The following CACNB2 variants were observed in gnomAD, a reference collection of about 807,000 sequenced individuals.
CACNB2 encodes the protein voltage-dependent L-type calcium channel subunit beta-2.
In CACNB2, 42 loss-of-function variants were observed where a neutral mutation model predicts 73.3. The ratio of observed to expected loss-of-function variants is 0.57; its 90% confidence interval spans 0.45 to 0.74. CACNB2 has a LOEUF of 0.74. CACNB2 is among the 30% of genes least tolerant of loss of function. CACNB2 has a pLI of 0.00. For missense variants in CACNB2, 940 were observed against 853.0 expected, an observed-to-expected ratio of 1.10 and a Z score of -1.27; for synonymous variants, 348 against 310.3, an observed-to-expected ratio of 1.12 and a Z score of -1.28.
In CACNB2 at chr10:18,537,125, C is replaced by G. The variant is rs888267510; in HGVS notation, c.1302+929C>G. On this transcript the variant is annotated intron_variant, in intron 12 of 13. Transcript: ENST00000324631. The stretch of plus-strand genomic sequence containing the variant: ...ACCTCGGCCCTCCAAGTAGCTAGGA[C>G]TACAGGCAAACGCCACCATGCCCTG... Among the ~76,000 whole-genome samples, 4 of 152,146 alleles carry G rather than the reference C, an allele frequency of 2.6e-5. No homozygotes were observed. The Middle Eastern group carries it at 0.014, about 518-fold the overall frequency.
At chr10:18,489,169 G>A (rs1440386045) in intron 3 of CACNB2, among the ~76,000 whole-genome samples, 1 of 151,772 alleles carries the variant, frequency 6.6e-6, no homozygotes, top group Non-Finnish European at 1.5e-5. Context: ...AAAAATTAGT[G>A]AGCCGCGCCA....
chr10:18,295,211 C>A (rs540579191), intron 2 of CACNB2, among the ~76,000 whole-genome samples: 2 of 152,130 alleles, frequency 1.3e-5, no homozygotes, highest in African/African-American at 2.4e-5. Flanking sequence ...ACAATGCATA[C>A]TTTTTGTTAG....
chr10:18,217,611 G>T (rs1428678665), intron 2 of CACNB2, among the ~76,000 whole-genome samples: 1 of 151,914 alleles, frequency 6.6e-6, no homozygotes, highest in Non-Finnish European at 1.5e-5. Context: ...TCCATCTTAA[G>T]CAGGGAGGTC....
At chr10:18,451,437 T>C (rs182429740) in intron 3 of CACNB2, among the ~76,000 whole-genome samples, 1 of 152,310 alleles carries the variant, frequency 6.6e-6, no homozygotes, top group East Asian at 1.9e-4. Context: ...ATAGAGAGTT[T>C]CTGTCATGAA....
At chr10:18,335,665 A>G (rs1038202727) in intron 2 of CACNB2, among the ~76,000 whole-genome samples, 1 of 152,052 alleles carries the variant, frequency 6.6e-6, no homozygotes, top group African/African-American at 2.4e-5. Flanking sequence ...TTTCAATCTT[A>G]GGTCTGTTTC....
intron 2 of CACNB2, among the ~76,000 whole-genome samples, chr10:18,156,465 C>T (rs2032050268): frequency 6.6e-6 from 1 of 152,162 alleles, no homozygotes; most frequent in Non-Finnish European, 1.5e-5. Context: ...TAATTTTCCC[C>T]CGGAAACTGG....
In CACNB2 at chr10:18,539,946, C is replaced by CTCCGGTTG. The variant is rs1483548695; in HGVS notation, c.*223_*230dup. On this transcript the variant is annotated 3_prime_UTR_variant, in exon 14 of 14. Transcript: ENST00000324631. ...AAATTGGCCTGGTATGGCTGCAGTC[C>CTCCGGTTG]TCCGGTTGCATACTGGACTCTTCAA... The CTCCGGTTG allele has an allele frequency of 2.1e-5, 11 of 530,706 alleles. No homozygotes were observed. Among genetic ancestry groups the CTCCGGTTG allele is most frequent in the Non-Finnish European group, 3.3e-5 (10 of 303,662 alleles). The allele number at this position is 530,706 out of a possible 1,614,324, so 32.9% of individuals were successfully genotyped here. A position where few individuals can be genotyped will look rare whatever the true frequency, so the allele number is the denominator to read the frequency against.
chr10:18,417,431 C>A (rs971640084), intron 3 of CACNB2, among the ~76,000 whole-genome samples: 2 of 136,758 alleles, frequency 1.5e-5, no homozygotes, highest in Admixed American at 8.2e-5. Flanking sequence ...TGCAGTGGCG[C>A]GATCTCGGCT....
chr10:18,226,041 T>C (rs2035980315), intron 2 of CACNB2, among the ~76,000 whole-genome samples: 1 of 147,818 alleles, frequency 6.8e-6, no homozygotes, highest in Non-Finnish European at 1.5e-5. Context: ...TTTTTTTTTT[T>C]CTTGAGACAG....
rs59713597 is a variant in CACNB2, at chr10:18,258,466, G to C, written c.213+107491G>C. Among the ~76,000 whole-genome samples, 163 of 152,102 alleles carry C rather than the reference G, an allele frequency of 1.1e-3. 2 individuals carry two copies. The highest frequency in any genetic ancestry group is 1.2e-4 in the Non-Finnish European group (8 of 68,006). ...CTTGAGGCCGGGCACGGTGGCTCAC[G>C]CCTGTAATCCCAGCACTTTGGGAGG... On this transcript the variant is annotated intron_variant, in intron 2 of 13. Coordinates refer to ENST00000324631, the MANE Select transcript of CACNB2 (RefSeq NM_201596.3).
At chr10:18,380,690 G>A (rs912345077) in intron 2 of CACNB2, among the ~76,000 whole-genome samples, 2 of 151,688 alleles carry the variant, frequency 1.3e-5, no homozygotes, top group Non-Finnish European at 2.9e-5. Flanking sequence ...CCTGAGCTCA[G>A]GTGATCTGCC....
intron 2 of CACNB2, among the ~76,000 whole-genome samples, chr10:18,191,787 G>T (rs1224646022): frequency 1.2e-4 from 18 of 152,156 alleles, no homozygotes; most frequent in Non-Finnish European, 2.6e-4. Context: ...TTTTATGGCT[G>T]AGTAGTATTC....
At chr10:18,167,459 T>C (rs1564310947) in intron 2 of CACNB2, among the ~76,000 whole-genome samples, 1 of 151,850 alleles carries the variant, frequency 6.6e-6, no homozygotes, top group Non-Finnish European at 1.5e-5. Context: ...TAAAATAAGA[T>C]AAAAAACAAT....
intron 3 of CACNB2, among the ~76,000 whole-genome samples, chr10:18,429,949 A>C (rs192525375): frequency 7.2e-5 from 11 of 152,274 alleles, no homozygotes; most frequent in African/African-American, 2.6e-4. Flanking sequence ...ACTGCACTCT[A>C]CTGTGGGTGA....
intron 2 of CACNB2, among the ~76,000 whole-genome samples, chr10:18,328,121 C>T (rs559397349): frequency 3.5e-4 from 53 of 152,252 alleles, no homozygotes; most frequent in African/African-American, 1.2e-3. Flanking sequence ...TGCTGGGTTT[C>T]GTGGTAGAAA....
intron 1 of CACNB2, among the ~76,000 whole-genome samples, chr10:18,143,027 A>G (rs950113761): frequency 7.2e-5 from 11 of 152,258 alleles, no homozygotes; most frequent in African/African-American, 2.7e-4. Context: ...CATGAAACAG[A>G]GTCCCAGAAG....
At chr10:18,202,169 T>A (rs1174881450) in intron 2 of CACNB2, among the ~76,000 whole-genome samples, 1 of 152,176 alleles carries the variant, frequency 6.6e-6, no homozygotes, top group African/African-American at 2.4e-5. Flanking sequence ...GTGAAGGAAG[T>A]CAGTGAAAAA....
At chr10:18,226,322 C>G (rs2035992239) in intron 2 of CACNB2, among the ~76,000 whole-genome samples, 1 of 152,210 alleles carries the variant, frequency 6.6e-6, no homozygotes, top group Non-Finnish European at 1.5e-5. Context: ...CCACCGCCCC[C>G]AGACGGATGG....
At chr10:18,515,865 G>T (rs1277742074) in intron 7 of CACNB2, among the ~76,000 whole-genome samples, 3 of 152,190 alleles carry the variant, frequency 2.0e-5, no homozygotes, top group Non-Finnish European at 4.4e-5. Context: ...TGTGAAGTTT[G>T]CTTACCTTTA....
Sources: gnomAD v4.1 joint callset for allele counts (sites outside exome capture counted in the v4.1 genomes callset) on GRCh38, gnomAD v4.1.1 for gene constraint, MANE v1.5 for transcripts, NCBI Gene and HGNC (gene_info 2026-07-23, HGNC 2026-07-21) for gene names.